Variants in RALYL observed in about 807,000 individuals in gnomAD.
RALYL encodes RNA-binding Raly-like protein.
RALYL carries 29 observed loss-of-function variants against 35.1 expected under a neutral mutation model. The observed-to-expected ratio is 0.83, with a 90% CI of 0.61 to 1.13. The LOEUF is 1.13. Ranked by LOEUF, RALYL falls within the 50% of genes most tolerant of loss-of-function variation. The pLI, the probability that RALYL is intolerant of heterozygous loss-of-function variation, is 0.00. For synonymous variants in RALYL, 120 were observed against 127.6 expected, an observed-to-expected ratio of 0.94 and a Z score of 0.40; for missense variants, 359 against 360.4, an observed-to-expected ratio of 1.00 and a Z score of 0.03.
At chr8:84,567,476 T>C (rs1240951351) in intron 2 of RALYL, among the ~76,000 whole-genome samples, 1 of 151,774 alleles carries the variant, frequency 6.6e-6, no homozygotes, top group African/African-American at 2.4e-5. Flanking sequence ...GATTTTTTGT[T>C]CTGAGATATT....
At chr8:84,582,581 T>C (rs915839025) in intron 2 of RALYL, among the ~76,000 whole-genome samples, 2 of 152,118 alleles carry the variant, frequency 1.3e-5, no homozygotes, top group Admixed American at 6.5e-5. Flanking sequence ...ATTTCAAATA[T>C]GCAGTATTTT....
At chr8:84,469,638 A>T (rs2052374966) in intron 1 of RALYL, among the ~76,000 whole-genome samples, 1 of 152,200 alleles carries the variant, frequency 6.6e-6, no homozygotes, top group Non-Finnish European at 1.5e-5. Context: ...AGAGGAAAGC[A>T]GGCCTCCTTG....
intron 8 of RALYL, among the ~76,000 whole-genome samples, chr8:84,888,510 GT>G (rs1392057725): frequency 6.6e-6 from 1 of 152,134 alleles, no homozygotes; most frequent in Non-Finnish European, 1.5e-5. Context: ...GCGGGCAAAT[GT>G]GGGTATATAT....
chr8:84,812,337 T>C (rs552471140), intron 4 of RALYL, among the ~76,000 whole-genome samples: 191 of 152,220 alleles, frequency 1.3e-3, no homozygotes, highest in Non-Finnish European at 1.1e-3. Flanking sequence ...TGCAGAGTCC[T>C]GTGATGAAAT....
At chr8:84,392,147 T>C (rs908062801) in intron 1 of RALYL, among the ~76,000 whole-genome samples, 2 of 152,070 alleles carry the variant, frequency 1.3e-5, no homozygotes, top group African/African-American at 4.8e-5. Flanking sequence ...GCCTCAACTT[T>C]CTTTCAGTTT....
At chr8:84,510,387 A>T (rs182071847) in intron 1 of RALYL, among the ~76,000 whole-genome samples, 6 of 152,316 alleles carry the variant, frequency 3.9e-5, no homozygotes, top group Admixed American at 2.0e-4. Context: ...ATATGTGTCC[A>T]TCTGTGAGTC....
intron 1 of RALYL, among the ~76,000 whole-genome samples, chr8:84,522,299 G>A (rs1022896027): frequency 6.7e-6 from 1 of 149,134 alleles, no homozygotes; most frequent in Non-Finnish European, 1.5e-5. Flanking sequence ...GCCCAGGCTG[G>A]AGTGCAGTGG....
At chr8:84,407,706 A>G (rs2043681795) in intron 1 of RALYL, among the ~76,000 whole-genome samples, 2 of 152,184 alleles carry the variant, frequency 1.3e-5, no homozygotes, top group Non-Finnish European at 2.9e-5. Context: ...AAAAGAAATT[A>G]TAAATGAAAA....
intron 2 of RALYL, among the ~76,000 whole-genome samples, chr8:84,750,349 G>A (rs1022951479): frequency 1.3e-5 from 2 of 152,074 alleles, no homozygotes; most frequent in Non-Finnish European, 2.9e-5. Flanking sequence ...TAGTCTGAAC[G>A]CAACCTATCT....
intron 2 of RALYL, among the ~76,000 whole-genome samples, chr8:84,749,324 C>CG (rs749668840): frequency 7.7e-4 from 107 of 138,732 alleles, no homozygotes; most frequent in Admixed American, 1.3e-3. Context: ...TTGCTTGTAC[C>CG]AATTTTTTTT....
rs1844164399 is a variant in RALYL, at chr8:84,722,621, ATATATATATATATATATATATATATATG to A, written c.257-51954_257-51927del. Among the ~76,000 whole-genome samples, 3 of 133,528 alleles carry A rather than the reference ATATATATATATATATATATATATATATG, an allele frequency of 2.2e-5. No individual in the cohort carries two copies. The South Asian group carries it at 6.6e-4, about 29-fold the overall frequency. The allele number at this position is 133,528 out of a possible 152,430, so 87.6% of individuals were successfully genotyped here. Reference sequence around the variant, plus strand: ...CAGTATATTCCTAGAGTGATTTTATATATATATATATATATATATATATATATGTATGTATATAAAATATTGTGTATAT... The same window carrying A: ...CAGTATATTCCTAGAGTGATTTTATATATGTATATAAAATATTGTGTATAT... On this transcript the variant is annotated intron_variant, in intron 2 of 8. Transcript: ENST00000521268.
intron 2 of RALYL, among the ~76,000 whole-genome samples, chr8:84,611,483 A>G (rs1818295562): frequency 6.6e-6 from 1 of 152,144 alleles, no homozygotes. Flanking sequence ...ATAATTAGGT[A>G]TTAAATAGAG....
intron 1 of RALYL, among the ~76,000 whole-genome samples, chr8:84,199,589 G>T (rs1222177942): frequency 6.6e-6 from 1 of 152,104 alleles, no homozygotes; most frequent in Non-Finnish European, 1.5e-5. Context: ...GTCCTGGAGA[G>T]TTTCCCCAAT....
intron 2 of RALYL, among the ~76,000 whole-genome samples, chr8:84,719,075 G>A (rs1472578158): frequency 6.6e-6 from 1 of 152,112 alleles, no homozygotes; most frequent in South Asian, 2.1e-4. Context: ...CTAAGCTGCT[G>A]GTGGCTGGTA....
intron 1 of RALYL, among the ~76,000 whole-genome samples, chr8:84,447,711 G>A (rs141472145): frequency 1.9e-3 from 285 of 152,174 alleles, no homozygotes; most frequent in African/African-American, 6.7e-3. Context: ...TTTGTGGGAA[G>A]CTCAGGACAG....
chr8:84,688,003 G>T (rs1837189366), intron 2 of RALYL, among the ~76,000 whole-genome samples: 1 of 151,614 alleles, frequency 6.6e-6, no homozygotes, highest in African/African-American at 2.4e-5. Flanking sequence ...ACTCTTTTTG[G>T]GGATAAATAA....
chr8:84,301,287 A>C (rs1840731238), intron 1 of RALYL, among the ~76,000 whole-genome samples: 1 of 151,726 alleles, frequency 6.6e-6, no homozygotes, highest in Non-Finnish European at 1.5e-5. Context: ...AGGTGACCTG[A>C]CCCTTCTTTC....
chr8:84,322,688 T>C (rs1845083571), intron 1 of RALYL, among the ~76,000 whole-genome samples: 1 of 152,108 alleles, frequency 6.6e-6, no homozygotes, highest in Admixed American at 6.6e-5. Context: ...CTAAAACTGA[T>C]TCATTCATGA....
chr8:84,900,047 A>G (rs952839054), intron 8 of RALYL, among the ~76,000 whole-genome samples: 1 of 151,950 alleles, frequency 6.6e-6, no homozygotes, highest in African/African-American at 2.4e-5. Context: ...TTGAGATGTT[A>G]AGAGTATTGT....
Sources: gnomAD v4.1 joint callset for allele counts (sites outside exome capture counted in the v4.1 genomes callset) on GRCh38, gnomAD v4.1.1 for gene constraint, MANE v1.5 for transcripts, NCBI Gene and HGNC (gene_info 2026-07-23, HGNC 2026-07-21) for gene names.